Variants in PRELID3A observed in about 807,000 individuals in gnomAD.
The protein encoded by PRELID3A is PRELI domain containing protein 3A.
Under a neutral mutation model 23.0 loss-of-function variants are expected in PRELID3A, and 27 were observed. That is an observed-to-expected ratio of 1.17 (90% CI 0.87 to 1.62). PRELID3A has a LOEUF of 1.62. PRELID3A is among the 40% of genes most tolerant of loss of function. The pLI is 0.00. For missense variants in PRELID3A, 231 were observed against 231.4 expected (o/e 1.00, Z 0.01); for synonymous variants, 87 against 86.4 (o/e 1.01, Z -0.04).
chr18:12,416,108 G>A (rs981711610), intron 1 of PRELID3A, among the ~76,000 whole-genome samples: 11 of 152,174 alleles, frequency 7.2e-5, no homozygotes, highest in South Asian at 4.1e-4. Flanking sequence ...GACTGATTTC[G>A]GCAGGGGCGG....
In PRELID3A at chr18:12,408,388, G is replaced by A. The variant is rs534281185; in HGVS notation, c.32+381G>A. Among the ~76,000 whole-genome samples, 316 of 152,124 alleles carry A rather than the reference G, an allele frequency of 2.1e-3. 3 individuals carry two copies. Among genetic ancestry groups the A allele is most frequent in the African/African-American group, 7.3e-3 (305 of 41,566 alleles). On this transcript the variant is annotated intron_variant, in intron 1 of 6. Coordinates refer to ENST00000440960, the MANE Select transcript of PRELID3A (RefSeq NM_001142405.2). The stretch of plus-strand genomic sequence containing the variant: ...GCGCTCGCTGCTCTCCTTGGGGTCG[G>A]GAGCAGGGCAGGGGAGAGGCCTGCA...
chr18:12,426,359 C>A (rs979923773), intron 3 of PRELID3A, among the ~76,000 whole-genome samples: 2 of 150,732 alleles, frequency 1.3e-5, no homozygotes, highest in Non-Finnish European at 3.0e-5. Flanking sequence ...TCGAGACCAT[C>A]CTGGCTAACA....
chr18:12,424,338 C>A (rs553154090), intron 3 of PRELID3A, among the ~76,000 whole-genome samples: 41 of 152,272 alleles, frequency 2.7e-4, no homozygotes, highest in Admixed American at 8.5e-4. Context: ...CTGAAGCCAT[C>A]GCTGGATGGC....
intron 1 of PRELID3A, among the ~76,000 whole-genome samples, chr18:12,410,347 G>C (rs1826920447): frequency 6.6e-6 from 1 of 152,248 alleles, no homozygotes; most frequent in African/African-American, 2.4e-5. Context: ...ACTAGGTGCT[G>C]ATTCTCTGCC....
chr18:12,431,488 C>T lies in PRELID3A; in HGVS notation c.*372C>T, dbSNP rs1324513785. 1.7e-5 allele frequency: 2 copies of T among 116,556 alleles called. 1 individual carries two copies. Among genetic ancestry groups the T allele is most frequent in the South Asian group, 4.9e-4 (2 of 4,106 alleles). 7.2% of individuals were successfully genotyped at this position (116,556 alleles called of 1,614,324 possible). A position where few individuals can be genotyped will look rare whatever the true frequency, so the allele number is the denominator to read the frequency against. ...CGCGCCGCCCCCGCCCGCCCGCCCACGCTGTCCTCCACTTAGGCTCCTCCA... is the reference window on the plus strand; with the variant it reads ...CGCGCCGCCCCCGCCCGCCCGCCCATGCTGTCCTCCACTTAGGCTCCTCCA... On this transcript the variant is annotated 3_prime_UTR_variant, in exon 7 of 7. Transcript: ENST00000440960.
chr18:12,417,813 A>T (rs1335782083), intron 1 of PRELID3A, among the ~76,000 whole-genome samples: 1 of 152,224 alleles, frequency 6.6e-6, no homozygotes, highest in Non-Finnish European at 1.5e-5. Flanking sequence ...TCCTAGAGTG[A>T]TCAGGACCAC....
chr18:12,416,456 AG>A (rs2029954630), intron 1 of PRELID3A, among the ~76,000 whole-genome samples: 1 of 152,102 alleles, frequency 6.6e-6, no homozygotes, highest in South Asian at 2.1e-4. Context: ...CTAGTACCAC[AG>A]GGGTGTGCCA....
At chr18:12,409,853 G>T (rs77958247) in intron 1 of PRELID3A, among the ~76,000 whole-genome samples, 2,505 of 152,066 alleles carry the variant, frequency 0.016, 32 homozygotes, top group African/African-American at 0.025. Context: ...TTTACCGAAG[G>T]ATACTTTACA....
chr18:12,413,952 C>G (rs1196433863), intron 1 of PRELID3A, among the ~76,000 whole-genome samples: 1 of 152,210 alleles, frequency 6.6e-6, no homozygotes, highest in Admixed American at 6.5e-5. Flanking sequence ...CCTTGAAGCA[C>G]AGGCTTACTT....
chr18:12,410,056 G>T (rs369274622), intron 1 of PRELID3A, among the ~76,000 whole-genome samples: 21 of 152,310 alleles, frequency 1.4e-4, no homozygotes, highest in African/African-American at 4.8e-4. Context: ...CTATGAATTT[G>T]CCTTGTTGGG....
At chr18:12,419,962 G>A (rs539791850) in intron 1 of PRELID3A, 28 of 270,632 alleles carry the variant, frequency 1.0e-4, no homozygotes, top group Admixed American at 7.1e-4. Flanking sequence ...GGTGGCACAC[G>A]CCTGTAGTCC....
At chr18:12,419,953 G>GT (rs979888301) in intron 1 of PRELID3A, 4 of 237,242 alleles carry the variant, frequency 1.7e-5, no homozygotes, top group Non-Finnish European at 2.4e-5. Context: ...TTCAGGTTTG[G>GT]TGGCACACGC....
intron 1 of PRELID3A, among the ~76,000 whole-genome samples, chr18:12,418,390 A>G (rs138637404): frequency 2.0e-5 from 3 of 152,374 alleles, no homozygotes; most frequent in Non-Finnish European, 4.4e-5. Flanking sequence ...GATATAGGAA[A>G]ATGTTTATCA....
At chr18:12,420,522 A>G in intron 2 of PRELID3A, 29 bp downstream of exon 2, 32 of 1,481,418 alleles carry the variant, frequency 2.2e-5, no homozygotes, top group Non-Finnish European at 2.8e-5. Context: ...GCGGCTCCGA[A>G]CGCGCCCGAC....
intron 5 of PRELID3A, among the ~76,000 whole-genome samples, chr18:12,427,959 C>T (rs540748357): frequency 2.0e-5 from 3 of 152,308 alleles, no homozygotes; most frequent in African/African-American, 7.2e-5. Context: ...GCTCAGTTAC[C>T]AAAGCAAACT....
chr18:12,427,432 C>G, intron 5 of PRELID3A, 109 bp downstream of exon 5: 1 of 882,834 alleles, frequency 1.1e-6, no homozygotes, highest in Non-Finnish European at 1.8e-6. Context: ...CATGGTGGCT[C>G]ATGTCTGTAA....
intron 2 of PRELID3A, among the ~76,000 whole-genome samples, chr18:12,420,990 C>T (rs542526458): frequency 5.6e-4 from 85 of 152,272 alleles, no homozygotes; most frequent in African/African-American, 1.7e-3. Context: ...CCTAGGGCAC[C>T]GGGATTAGGC....
chr18:12,427,136 C>T, intron 4 of PRELID3A, 25 bp downstream of exon 4: 1 of 1,604,038 alleles, frequency 6.2e-7, no homozygotes, highest in Non-Finnish European at 8.5e-7. Context: ...GTGGGATTGA[C>T]ACATTGAATG....
intron 3 of PRELID3A, among the ~76,000 whole-genome samples, chr18:12,423,988 G>T (rs1378305023): frequency 3.3e-5 from 5 of 152,216 alleles, no homozygotes; most frequent in African/African-American, 1.2e-4. Flanking sequence ...GTAGAAGGCA[G>T]TGGGTGCATC....
Sources: allele counts gnomAD v4.1 joint callset (sites outside exome capture counted in the v4.1 genomes callset), GRCh38; gene constraint gnomAD v4.1.1; transcripts MANE v1.5; gene names NCBI Gene and HGNC (gene_info 2026-07-23, HGNC 2026-07-21).